The following MED6 variants were observed in gnomAD, a reference collection of about 807,000 sequenced individuals.
The protein encoded by MED6 is mediator complex subunit 6, also known as mediator of RNA polymerase II transcription subunit 6.
MED6 carries 33 observed loss-of-function variants against 37.5 expected under a neutral mutation model. The observed-to-expected ratio is 0.88, with a 90% confidence interval of 0.67 to 1.18. The LOEUF (loss-of-function observed/expected upper bound fraction) is 1.18. Among genes scored for constraint, MED6 ranks in the 50% most tolerant of loss-of-function variants. The pLI, the probability that MED6 is intolerant of heterozygous loss-of-function variation, is 0.00. For missense variants in MED6, 235 were observed against 290.6 expected (o/e 0.81, Z 1.39); for synonymous variants, 94 against 93.6 (o/e 1.00, Z -0.02).
At chr14:70,588,423 T>C (rs573149667) in intron 6 of MED6, among the ~76,000 whole-genome samples, 2 of 152,162 alleles carry the variant, frequency 1.3e-5, no homozygotes, top group Admixed American at 6.5e-5. Context: ...CGGTGGCTCA[T>C]GCCTATAATC....
rs946417400 is a variant in MED6 at position 70,584,524 on chromosome 14, C to T, written c.*289G>A. 4.6e-5 allele frequency: 14 copies of T among 306,984 alleles called. No homozygotes were observed. Among genetic ancestry groups the T allele is most frequent in the East Asian group, 7.4e-5 (1 of 13,452 alleles). The allele number at this position is 306,984 out of a possible 1,614,324, so 19.0% of individuals were successfully genotyped here. ...CCGAGTAGCTGGGACTATGGGCGCCCGCCACCACGCCCGGCTAATTTTTGT... is the reference window on the plus strand; with the variant it reads ...CCGAGTAGCTGGGACTATGGGCGCCTGCCACCACGCCCGGCTAATTTTTGT... On this transcript the variant is annotated 3_prime_UTR_variant, in exon 8 of 8. Transcript: ENST00000256379.
At chr14:70,593,046 T>C in intron 4 of MED6, 58 bp from the exon 5 acceptor site, 1 of 1,601,612 alleles carries the variant, frequency 6.2e-7, no homozygotes, top group Non-Finnish European at 8.5e-7. Flanking sequence ...CTTTCCAAAG[T>C]AAATACTCAC....
intron 6 of MED6, among the ~76,000 whole-genome samples, chr14:70,588,305 T>C (rs1321563526): frequency 1.3e-5 from 2 of 152,102 alleles, no homozygotes; most frequent in African/African-American, 4.8e-5. Context: ...AGGAATATGA[T>C]GATATAAGTA....
At chr14:70,586,993 TGCAATTTAG>T (rs763039269) in intron 6 of MED6, among the ~76,000 whole-genome samples, 1 of 152,160 alleles carries the variant, frequency 6.6e-6, no homozygotes, top group Non-Finnish European at 1.5e-5. Context: ...GTACAAACAA[TGCAATTTAG>T]GCTGAATACC....
chr14:70,595,648 T>C (rs983734324), intron 3 of MED6: 1 of 955,004 alleles, frequency 1.0e-6, no homozygotes, highest in South Asian at 1.3e-5. Flanking sequence ...AACATCAAGG[T>C]CAAGCTGTAG....
intron 5 of MED6, among the ~76,000 whole-genome samples, chr14:70,592,082 T>C (rs529471942): frequency 2.0e-5 from 3 of 152,370 alleles, no homozygotes; most frequent in Admixed American, 2.0e-4. Context: ...TTCCTGCTTA[T>C]ACCTACTATT....
Position 70,584,900 on chromosome 14 carries a change from TAC to T in MED6, c.652_653del (p.Val218LysfsTer3). The T allele has an allele frequency of 6.2e-7, 1 of 1,614,180 alleles. No homozygotes were observed. Among genetic ancestry groups the T allele is most frequent in the East Asian group, 2.2e-5 (1 of 44,880 alleles). The part of the protein sequence containing the change: ...KKEAEPIPET[V>X]KPEEKETTKN... ...TTGTGGTCTCCTTCTCCTCAGGTTTTACAGTTTCTGGTATAGGTTCTGCCTCT... is the reference window on the plus strand; with the variant it reads ...TTGTGGTCTCCTTCTCCTCAGGTTTTAGTTTCTGGTATAGGTTCTGCCTCT... On this transcript the variant is annotated frameshift_variant, in exon 8 of 8. Transcript: ENST00000256379. LOFTEE classifies it high-confidence loss of function.
chr14:70,594,163 T>A (rs1328330531), intron 3 of MED6, among the ~76,000 whole-genome samples: 3 of 152,250 alleles, frequency 2.0e-5, no homozygotes, highest in Non-Finnish European at 4.4e-5. Flanking sequence ...TTGAGAGATG[T>A]AGCTAGAATA....
Position 70,584,407 on chromosome 14 carries a change from C to A in MED6, c.*406G>T. The stretch of plus-strand genomic sequence containing the variant: ...TCTTCTTTTTTGAGACAAAGTCTCG[C>A]TCTGTCGCCCAAGCTGGAGTGCAAC... On this transcript the variant is annotated 3_prime_UTR_variant, in exon 8 of 8. Transcript: ENST00000256379. 2.7e-6 allele frequency: 1 copy of A among 374,212 alleles called. No individual in the cohort carries two copies. Among genetic ancestry groups the A allele is most frequent in the Non-Finnish European group, 4.8e-6 (1 of 208,406 alleles). The allele number at this position is 374,212 out of a possible 1,614,324, so 23.2% of individuals were successfully genotyped here. A position where few individuals can be genotyped will look rare whatever the true frequency, so the allele number is the denominator to read the frequency against.
At chr14:70,599,197 G>C (rs1176848896) in intron 1 of MED6, among the ~76,000 whole-genome samples, 1 of 152,132 alleles carries the variant, frequency 6.6e-6, no homozygotes, top group Non-Finnish European at 1.5e-5. Context: ...CAAGGTGACA[G>C]GCAGTTTTGA....
intron 6 of MED6, 50 bp from the exon 7 acceptor site, chr14:70,585,833 A>T (rs761568804): frequency 6.5e-7 from 1 of 1,539,768 alleles, no homozygotes; most frequent in South Asian, 1.2e-5. Flanking sequence ...AAAAGAAGAA[A>T]ACAGGTCAAC....
At position 70,593,497 on chromosome 14, in the gene MED6, GT is replaced by G. The variant is rs1473109372; in HGVS notation, c.275-120del. On this transcript the variant is annotated intron_variant, in intron 3 of 7. Coordinates refer to ENST00000256379, the MANE Select transcript of MED6 (RefSeq NM_005466.4). The stretch of plus-strand genomic sequence containing the variant: ...CATAAGGCAGGGTTTAGCAATTACT[GT>G]TTTGGTAAAGCTGTACTAGAAAACA... 5.5e-6 allele frequency: 4 copies of G among 729,272 alleles called. No individual in the cohort carries two copies. In the African/African-American group the frequency reaches 7.1e-5, roughly 13 times the overall value. 45.2% of individuals were successfully genotyped at this position (729,272 alleles called of 1,614,324 possible). A position where few individuals can be genotyped will look rare whatever the true frequency, so the allele number is the denominator to read the frequency against.
At chr14:70,594,666 G>C in intron 3 of MED6, 1 of 450,400 alleles carries the variant, frequency 2.2e-6, no homozygotes, top group Non-Finnish European at 4.2e-6. Context: ...TACAGGCACC[G>C]GAGGCTCTGG....
chr14:70,587,276 GGCTATATACATCCTT>G (rs950666571), intron 6 of MED6, among the ~76,000 whole-genome samples: 52 of 152,222 alleles, frequency 3.4e-4, no homozygotes, highest in African/African-American at 1.3e-3. Context: ...CTTATGATCT[GGCTATATACATCCTT>G]GCTATATTAT....
intron 1 of MED6, 82 bp downstream of exon 1, chr14:70,600,534 C>A (rs1885176105): frequency 6.6e-7 from 1 of 1,518,520 alleles, no homozygotes; most frequent in Non-Finnish European, 9.1e-7. Flanking sequence ...CACAAAGGAA[C>A]CTAAACCTTG....
At chr14:70,589,008 A>G (rs1053083663) in intron 6 of MED6, among the ~76,000 whole-genome samples, 1 of 152,144 alleles carries the variant, frequency 6.6e-6, no homozygotes, top group Non-Finnish European at 1.5e-5. Context: ...GGCGGGGAAA[A>G]AAAAGTTGTC....
chr14:70,584,669 TC>T lies in MED6; in HGVS notation c.*143del, dbSNP rs1884649873. The T allele has an allele frequency of 1.8e-6, 2 of 1,099,986 alleles. No homozygotes were observed. The highest frequency in any genetic ancestry group is 5.1e-5 in the East Asian group (2 of 38,880). 68.1% of individuals were successfully genotyped at this position (1,099,986 alleles called of 1,614,324 possible). On this transcript the variant is annotated 3_prime_UTR_variant, in exon 8 of 8. Transcript: ENST00000256379. ...GGGATTACAGGCGTGAGCCACCACA[TC>T]CGGCCTAATATCCTTTCAAAAAATA...
intron 1 of MED6, 40 bp from the exon 2 acceptor site, chr14:70,597,817 T>C (rs1885088523): frequency 4.7e-6 from 7 of 1,488,234 alleles, no homozygotes; most frequent in South Asian, 2.7e-5. Flanking sequence ...ATTAGAAAAA[T>C]AGAAAGAATC....
At chr14:70,586,032 C>G (rs1884697051) in intron 6 of MED6, among the ~76,000 whole-genome samples, 1 of 152,130 alleles carries the variant, frequency 6.6e-6, no homozygotes, top group Admixed American at 6.5e-5. Flanking sequence ...GTCAACCAAC[C>G]ATAAAAACAC....
Sources: gnomAD v4.1 joint callset for allele counts (sites outside exome capture counted in the v4.1 genomes callset) on GRCh38, gnomAD v4.1.1 for gene constraint, MANE v1.5 for transcripts, NCBI Gene and HGNC (gene_info 2026-07-23, HGNC 2026-07-21) for gene names.